The following ATRX variants were observed in gnomAD, a reference collection of about 807,000 sequenced individuals.
ATRX encodes ATRX chromatin remodeler.
ATRX carries 12 observed loss-of-function variants against 172.6 expected under a neutral mutation model. That is an observed-to-expected ratio of 0.07 (90% CI 0.04 to 0.11). The LOEUF (loss-of-function observed/expected upper bound fraction) is 0.11. ATRX is among the 10% of genes least tolerant of loss of function. The probability of loss-of-function intolerance (pLI) is 1.00; values close to 1 mark genes in which losing one functional copy is unlikely to be tolerated. For missense variants in ATRX, 1,368 were observed against 1,767.4 expected (o/e 0.77, Z 4.05); for synonymous variants, 674 against 594.7 (o/e 1.13, Z -1.94).
rs368122444 is a variant in ATRX at position 77,570,181 on chromosome X, G to A, written c.6326+4069C>T. On this transcript the variant is annotated intron_variant, in intron 28 of 34. Coordinates refer to ENST00000373344, the MANE Select transcript of ATRX (RefSeq NM_000489.6). ...GTAAAGGAAGTATGGTTTTTTCTTC[G>A]TTCTTTTTTTTTTTTGAGACAGTGT... 2.7e-3 allele frequency among the ~76,000 whole-genome samples: 287 copies of A among 107,304 alleles called. 1 individual carries two copies. Among genetic ancestry groups the A allele is most frequent in the African/African-American group, 9.3e-3 (279 of 29,867 alleles). The allele number at this position is 107,304 out of a possible 115,157, so 93.2% of individuals were successfully genotyped here.
At chrX:77,547,150 A>C (rs1316334203) in intron 30 of ATRX, among the ~76,000 whole-genome samples, 1 of 111,468 alleles carries the variant, frequency 9.0e-6, no homozygotes, top group Admixed American at 9.6e-5. Context: ...GGTATTTTAA[A>C]TTTCAGGATT....
intron 28 of ATRX, among the ~76,000 whole-genome samples, chrX:77,568,359 C>A (rs1557065658): frequency 9.0e-6 from 1 of 111,292 alleles, no homozygotes; most frequent in African/African-American, 3.3e-5. Context: ...CAATTCTACA[C>A]ATATATTTGA....
At chrX:77,556,756 G>C (rs1557059296) in intron 30 of ATRX, among the ~76,000 whole-genome samples, 2 of 112,007 alleles carry the variant, frequency 1.8e-5, no homozygotes, top group African/African-American at 6.5e-5. Context: ...GGAAATCCCA[G>C]GTCCTCTGCT....
At chrX:77,777,084 T>C (rs782425927) in intron 1 of ATRX, among the ~76,000 whole-genome samples, 4 of 105,930 alleles carry the variant, frequency 3.8e-5, no homozygotes, top group Non-Finnish European at 7.7e-5. Context: ...TTTATTTACA[T>C]GGCTCACATC....
chrX:77,651,079 T>C (rs1557116470), intron 15 of ATRX, among the ~76,000 whole-genome samples: 2 of 108,967 alleles, frequency 1.8e-5, no homozygotes, highest in Non-Finnish European at 3.8e-5. Flanking sequence ...CGGCCAGGCA[T>C]GGTGGCGTGC....
In ATRX at chrX:77,641,966, C is replaced by T. The variant is rs1442195723; in HGVS notation, c.4558-5910G>A. Among the ~76,000 whole-genome samples the T allele has an allele frequency of 2.7e-5, 3 of 111,974 alleles. No homozygotes were observed. The South Asian group carries it at 1.1e-3, about 42-fold the overall frequency. On this transcript the variant is annotated intron_variant, in intron 15 of 34. Coordinates refer to ENST00000373344, the MANE Select transcript of ATRX (RefSeq NM_000489.6). ...CCTGTAATCCAAGATCTTTGGGAGGCCAAGGTGTGAGGATCACTTGAGGTC... is the reference window on the plus strand; with the variant it reads ...CCTGTAATCCAAGATCTTTGGGAGGTCAAGGTGTGAGGATCACTTGAGGTC...
chrX:77,607,006 C>T (rs192317096), intron 22 of ATRX, among the ~76,000 whole-genome samples: 6 of 111,317 alleles, frequency 5.4e-5, no homozygotes, highest in East Asian at 2.8e-4. Context: ...AAGCTATATA[C>T]GACATACCGA....
intron 12 of ATRX, among the ~76,000 whole-genome samples, chrX:77,661,329 A>G (rs1338858335): frequency 9.0e-6 from 1 of 111,652 alleles, no homozygotes; most frequent in African/African-American, 3.3e-5. Context: ...TTTGTGAGTT[A>G]TATCTCAATA....
intron 3 of ATRX, 31 bp from the exon 4 acceptor site, chrX:77,697,666 T>C (rs2148682014): frequency 1.7e-6 from 2 of 1,180,474 alleles, no homozygotes; most frequent in Middle Eastern, 2.3e-4. Context: ...TAAAAGTGAA[T>C]AAAATTCTCG....
intron 1 of ATRX, among the ~76,000 whole-genome samples, chrX:77,767,236 G>GGAGAGGGA (rs1174246575): frequency 0.039 from 4,063 of 103,073 alleles, 145 homozygotes; most frequent in Non-Finnish European, 0.056. Context: ...GAGACCGTGG[G>GGAGAGGGA]GAGAGGGAGA....
rs2062759681 is a variant in ATRX at position 77,508,494 on chromosome X, T to C, written c.7336A>G (p.Met2446Val). The change falls in exon 35 of 35, where the codon ATG (methionine) becomes GTG (valine). Residue 2446 changes from methionine to valine, a missense_variant. Physicochemically the swap from Met to Val is conservative, Grantham distance 21. Around this residue, in one of 17 missense-constraint regions of ATRX, gnomAD observed 100 missense variants for 153.9 expected, o/e 0.65. Transcript: ENST00000373344. ...ATCTGCTGGTAGTTAGAAGGATTCA[T>C]GATCAAATTTGGGGGCTTTGGCATC... The part of the protein sequence containing the change: ...LMMPKPPNLI[M>V]NPSNYQQIDM... 2 of 1,209,933 alleles carry C rather than the reference T, an allele frequency of 1.7e-6. No individual in the cohort carries two copies. The highest frequency in any genetic ancestry group is 3.5e-5 in the African/African-American group (2 of 57,084).
intron 15 of ATRX, among the ~76,000 whole-genome samples, chrX:77,644,209 T>C (rs2068798093): frequency 8.9e-6 from 1 of 112,913 alleles, no homozygotes; most frequent in Non-Finnish European, 1.9e-5. Flanking sequence ...CCCAAAGTGC[T>C]GGGATTATGG....
At position 77,683,698 on chromosome X, in the gene ATRX, C is replaced by G. The variant is rs1287383551; in HGVS notation, c.1558G>C (p.Val520Leu). The G allele has an allele frequency of 8.3e-7, 1 of 1,209,654 alleles. No homozygotes were observed. Among genetic ancestry groups the G allele is most frequent in the Non-Finnish European group, 1.1e-6 (1 of 894,939 alleles). Reference sequence around the variant, plus strand: ...ATGTCTTCTGGAACTGAGGAAGGAACAGACACAATATCCATGTCTAAATCT... The same window carrying G: ...ATGTCTTCTGGAACTGAGGAAGGAAGAGACACAATATCCATGTCTAAATCT... ...SEDLDMDIVS[V>L]PSSVPEDIFE... Residue 520 changes from valine (V) to leucine (L), a missense_variant, in exon 9 of 35, where the codon GTT becomes CTT. Physicochemically the swap from Val to Leu is conservative, Grantham distance 32. This residue lies in a region of ATRX where 843 missense variants were observed against 643.1 expected (regional missense o/e 1.31). Transcript: ENST00000373344.
chrX:77,751,887 G>A (rs1367754550), intron 1 of ATRX, among the ~76,000 whole-genome samples: 1 of 111,432 alleles, frequency 9.0e-6, no homozygotes, highest in African/African-American at 3.3e-5. Flanking sequence ...ATCTGTTTTG[G>A]TACCAGTACC....
chrX:77,664,614 G>T lies in ATRX; in HGVS notation c.3943+31C>A. 1 of 1,205,146 alleles carries T rather than the reference G, an allele frequency of 8.3e-7. No homozygotes were observed. The highest frequency in any genetic ancestry group is 1.8e-5 in the South Asian group (1 of 56,679). Reference sequence around the variant, plus strand: ...TGAATTAGTCAAGGAATCAAATTATGACATTATAAACTTCTCTCTGGGGAG... The same window carrying T: ...TGAATTAGTCAAGGAATCAAATTATTACATTATAAACTTCTCTCTGGGGAG... On this transcript the variant is annotated intron_variant, in intron 11 of 34. Coordinates refer to ENST00000373344, the MANE Select transcript of ATRX (RefSeq NM_000489.6).
At chrX:77,702,420 G>A (rs1414159853) in intron 2 of ATRX, among the ~76,000 whole-genome samples, 1 of 111,067 alleles carries the variant, frequency 9.0e-6, no homozygotes, top group Non-Finnish European at 1.9e-5. Flanking sequence ...CCCAGCCTGG[G>A]GAACAGAGCA....
At chrX:77,742,759 A>G (rs1230666889) in intron 1 of ATRX, among the ~76,000 whole-genome samples, 2 of 111,674 alleles carry the variant, frequency 1.8e-5, no homozygotes, top group African/African-American at 3.3e-5. Flanking sequence ...TCTGTGGTCC[A>G]CTACCATACA....
intron 15 of ATRX, 147 bp from the exon 16 acceptor site, chrX:77,636,203 C>A: frequency 1.7e-6 from 1 of 586,376 alleles, no homozygotes; most frequent in East Asian, 3.5e-5. Context: ...GTGTCCCCAC[C>A]AAATCTCATG....
intron 6 of ATRX, among the ~76,000 whole-genome samples, chrX:77,689,824 T>C (rs1340674414): frequency 8.9e-6 from 1 of 112,247 alleles, no homozygotes; most frequent in Non-Finnish European, 1.9e-5. Context: ...GTTTCAAAGA[T>C]GATCCTGATG....
Sources: allele counts gnomAD v4.1 joint callset (sites outside exome capture counted in the v4.1 genomes callset), GRCh38; gene constraint gnomAD v4.1.1; regional missense constraint gnomAD v4.1.1; transcripts MANE v1.5; gene names NCBI Gene and HGNC (gene_info 2026-07-23, HGNC 2026-07-21).